The following GNAL variants were observed in gnomAD, a reference collection of about 807,000 sequenced individuals.
GNAL encodes G protein subunit alpha L.
Under a neutral mutation model 55.1 loss-of-function variants are expected in GNAL, and 18 were observed. That is an observed-to-expected ratio of 0.33 (90% confidence interval 0.23 to 0.48). GNAL has a LOEUF of 0.48. Among genes scored for constraint, GNAL ranks in the 20% least tolerant of loss-of-function variants. GNAL has a pLI of 0.99. For synonymous variants in GNAL, 253 were observed against 237.0 expected (o/e 1.07, Z -0.62); for missense variants, 412 against 614.1 (o/e 0.67, Z 3.48).
At chr18:11,775,061 G>GCA (rs1333846562) in intron 4 of GNAL, among the ~76,000 whole-genome samples, 1 of 152,200 alleles carries the variant, frequency 6.6e-6, no homozygotes, top group African/African-American at 2.4e-5. Flanking sequence ...CCAGTGCGAG[G>GCA]CAGAGAGTCC....
rs1024380442 is a variant in GNAL at position 11,883,367 on chromosome 18, T to C, written c.*2232T>C. 6.5e-6 allele frequency: 1 copy of C among 153,242 alleles called. No individual in the cohort carries two copies. The highest frequency in any genetic ancestry group is 6.5e-5 in the Admixed American group (1 of 15,276). The allele number at this position is 153,242 out of a possible 1,614,324, so 9.5% of individuals were successfully genotyped here. A position where few individuals can be genotyped will look rare whatever the true frequency, so the allele number is the denominator to read the frequency against. On this transcript the variant is annotated 3_prime_UTR_variant, in exon 12 of 12. Coordinates refer to ENST00000334049, the MANE Select transcript of GNAL (RefSeq NM_182978.4). ...CCAGCAAGAAAGGGAAGTATGCTGT[T>C]GTATGCATCATTACTCAACAATTAC... is the stretch of plus-strand genomic sequence containing the variant.
intron 6 of GNAL, 71 bp from the exon 7 acceptor site, chr18:11,864,462 G>T (rs1342836673): frequency 2.4e-6 from 2 of 822,168 alleles, no homozygotes; most frequent in East Asian, 2.4e-5. Context: ...ATGAGGTATA[G>T]TTATACCCGG....
In GNAL at chr18:11,885,267, A is replaced by G. The variant is rs2037022874; in HGVS notation, c.*4132A>G. ...ACGCCCAGTGGTCATTAAGTGAAAC[A>G]TCTTTTATCAACCTGCAAAAGCTGC... On this transcript the variant is annotated 3_prime_UTR_variant, in exon 12 of 12. Transcript: ENST00000334049. 1 of 272,818 alleles carries G rather than the reference A, an allele frequency of 3.7e-6. No homozygotes were observed. 16.9% of individuals were successfully genotyped at this position (272,818 alleles called of 1,614,324 possible). A position where few individuals can be genotyped will look rare whatever the true frequency, so the allele number is the denominator to read the frequency against.
chr18:11,744,247 G>A (rs953156209), intron 1 of GNAL, among the ~76,000 whole-genome samples: 6 of 152,126 alleles, frequency 3.9e-5, no homozygotes, highest in African/African-American at 1.4e-4. Context: ...CTTTACAGAT[G>A]ACACTTCTAA....
chr18:11,763,855 CT>C (rs2033321598), intron 4 of GNAL, among the ~76,000 whole-genome samples: 1 of 152,116 alleles, frequency 6.6e-6, no homozygotes, highest in Non-Finnish European at 1.5e-5. Flanking sequence ...CTCAGCCGAC[CT>C]TTTTTGTCAT....
intron 9 of GNAL, 43 bp from the exon 10 acceptor site, chr18:11,872,225 A>T: frequency 7.4e-7 from 1 of 1,352,742 alleles, no homozygotes; most frequent in Non-Finnish European, 1.0e-6. Flanking sequence ...ACTTTCATGT[A>T]CTAGTGTATG....
In GNAL at chr18:11,844,697, A is replaced by G. The variant is rs535972321; in HGVS notation, c.723-17698A>G. On this transcript the variant is annotated intron_variant, in intron 5 of 11. Transcript: ENST00000334049. The stretch of plus-strand genomic sequence containing the variant: ...CTCCACCACCATCTACCAATACTCA[A>G]TGCAGACTAGCCCTGGGAAGAGCTC... 1.4e-4 allele frequency among the ~76,000 whole-genome samples: 21 copies of G among 152,232 alleles called. No homozygotes were observed. The East Asian group carries it at 4.0e-3, about 29-fold the overall frequency.
chr18:11,706,038 G>C lies in GNAL; in HGVS notation c.376+16099G>C, dbSNP rs549129207. Among the ~76,000 whole-genome samples, 3 of 152,160 alleles carry C rather than the reference G, an allele frequency of 2.0e-5. No individual in the cohort carries two copies. The East Asian group carries it at 5.8e-4, about 29-fold the overall frequency. On this transcript the variant is annotated intron_variant, in intron 1 of 11. Transcript: ENST00000334049. ...TCAAAGTGCTGGGATTACAGTGTAT[G>C]TCTTCTTTAAGAAGACATGTCATTA... is the stretch of plus-strand genomic sequence containing the variant.
At chr18:11,851,453 C>G (rs1234880266) in intron 5 of GNAL, 9 of 1,471,406 alleles carry the variant, frequency 6.1e-6, no homozygotes, top group Non-Finnish European at 8.1e-6. Flanking sequence ...CTTACCTTAC[C>G]TTCTCTGCCT....
chr18:11,723,346 A>AT (rs1167212683), intron 1 of GNAL, among the ~76,000 whole-genome samples: 1 of 152,154 alleles, frequency 6.6e-6, no homozygotes, highest in East Asian at 1.9e-4. Flanking sequence ...TCTTTTTGTT[A>AT]TTTTGCAACC....
At chr18:11,838,810 T>C (rs902525510) in intron 5 of GNAL, among the ~76,000 whole-genome samples, 1 of 152,072 alleles carries the variant, frequency 6.6e-6, no homozygotes, top group Admixed American at 6.6e-5. Context: ...GCGGAAGAAA[T>C]GAAATAGAAA....
intron 1 of GNAL, among the ~76,000 whole-genome samples, chr18:11,714,251 G>A (rs185143139): frequency 0.011 from 1,680 of 152,248 alleles, 18 homozygotes; most frequent in African/African-American, 0.038. Context: ...CCAAGGTTGA[G>A]GACAGCCCAA....
intron 10 of GNAL, among the ~76,000 whole-genome samples, chr18:11,873,027 G>C (rs535100566): frequency 2.0e-5 from 3 of 152,324 alleles, no homozygotes; most frequent in Non-Finnish European, 4.4e-5. Context: ...GGGACCGTCA[G>C]TGCTAAAGCT....
At chr18:11,709,693 G>GT (rs1267433563) in intron 1 of GNAL, among the ~76,000 whole-genome samples, 10 of 152,164 alleles carry the variant, frequency 6.6e-5, no homozygotes, top group Admixed American at 1.3e-4. Flanking sequence ...AGTTCTAATA[G>GT]TTTTTTGGTG....
At chr18:11,849,035 G>A (rs2035796952) in intron 5 of GNAL, among the ~76,000 whole-genome samples, 1 of 152,172 alleles carries the variant, frequency 6.6e-6, no homozygotes, top group South Asian at 2.1e-4. Flanking sequence ...GACATTTATA[G>A]TATCTACTTC....
chr18:11,835,568 T>C (rs1234597863), intron 5 of GNAL, among the ~76,000 whole-genome samples: 1 of 152,202 alleles, frequency 6.6e-6, no homozygotes, highest in Non-Finnish European at 1.5e-5. Flanking sequence ...TATTTTATGT[T>C]TGAAATTTTT....
chr18:11,720,225 G>A (rs1453663762), intron 1 of GNAL, among the ~76,000 whole-genome samples: 1 of 151,934 alleles, frequency 6.6e-6, no homozygotes, highest in Non-Finnish European at 1.5e-5. Context: ...GTAAAATCAA[G>A]GATTATTATG....
chr18:11,708,879 C>T (rs145431048), intron 1 of GNAL, among the ~76,000 whole-genome samples: 24 of 152,296 alleles, frequency 1.6e-4, no homozygotes, highest in Non-Finnish European at 2.9e-4. Context: ...TTGCCAAGAC[C>T]AATTAATGTC....
chr18:11,816,366 A>G (rs2034954689), intron 4 of GNAL, among the ~76,000 whole-genome samples: 1 of 151,968 alleles, frequency 6.6e-6, no homozygotes, highest in African/African-American at 2.4e-5. Flanking sequence ...GCACAATCTC[A>G]GCTCACTGCA....
Sources: allele counts gnomAD v4.1 joint callset (sites outside exome capture counted in the v4.1 genomes callset), GRCh38; gene constraint gnomAD v4.1.1; transcripts MANE v1.5; gene names NCBI Gene and HGNC (gene_info 2026-07-23, HGNC 2026-07-21).